Variants in PLIN2 observed in about 807,000 individuals in gnomAD.
PLIN2 encodes perilipin 2, also known as perilipin-2.
PLIN2 carries 33 observed loss-of-function variants against 30.6 expected under a neutral mutation model. The ratio of observed to expected loss-of-function variants is 1.08; its 90% CI spans 0.82 to 1.44. The LOEUF is 1.44. Ranked by LOEUF, PLIN2 falls within the 40% of genes most tolerant of loss-of-function variation. The pLI is 0.00. For synonymous variants in PLIN2, 205 were observed against 201.1 expected (o/e 1.02, Z -0.16); for missense variants, 610 against 531.8 (o/e 1.15, Z -1.45).
At chr9:19,114,329 G>C (rs1421119473), downstream of PLIN2, among the ~76,000 whole-genome samples, 1 of 152,128 alleles carries the variant, frequency 6.6e-6, no homozygotes, top group African/African-American at 2.4e-5. Context: ...ACTAATTTGA[G>C]TTAGACTTCC....
At position 19,116,656 on chromosome 9, in the gene PLIN2, ATAAAACT is replaced by A; in HGVS notation, c.913-14_913-8del. 1 of 1,607,760 alleles carries A rather than the reference ATAAAACT, an allele frequency of 6.2e-7. No individual in the cohort carries two copies. Among genetic ancestry groups the A allele is most frequent in the Non-Finnish European group, 8.5e-7 (1 of 1,175,120 alleles). On this transcript the variant is annotated splice_region_variant and splice_polypyrimidine_tract_variant and intron_variant, in intron 7 of 7. Transcript: ENST00000276914. Reference sequence around the variant, plus strand: ...GAGTACGTGACTCAATGTGCTAAAAATAAAACTTAAAATTAGCAGTGGATCCAACAGT... The same window carrying A: ...GAGTACGTGACTCAATGTGCTAAAAATAAAATTAGCAGTGGATCCAACAGT...
At chr9:19,119,303 T>C (rs1313503535) in intron 6 of PLIN2, among the ~76,000 whole-genome samples, 1 of 152,158 alleles carries the variant, frequency 6.6e-6, no homozygotes, top group Non-Finnish European at 1.5e-5. Flanking sequence ...CAAGTGTAGG[T>C]ATGCTTGTAA....
intron 4 of PLIN2, among the ~76,000 whole-genome samples, chr9:19,121,917 G>A (rs1353475781): frequency 6.6e-6 from 1 of 152,050 alleles, no homozygotes; most frequent in Non-Finnish European, 1.5e-5. Flanking sequence ...GGCAACAAGA[G>A]CAAAACTCTG....
Position 19,121,042 on chromosome 9 carries a change from C to T in PLIN2, c.433G>A (p.Val145Met). 1 of 1,614,226 alleles carries T rather than the reference C, an allele frequency of 6.2e-7. No homozygotes were observed. The highest frequency in any genetic ancestry group is 8.5e-7 in the Non-Finnish European group (1 of 1,180,030). ...TTGGTCTTCTCCACACTGCCAGTCACTGCCCCTTTGGTCTTGTCCATCACC... is the reference window on the plus strand; with the variant it reads ...TTGGTCTTCTCCACACTGCCAGTCATTGCCCCTTTGGTCTTGTCCATCACC... ...TGVMDKTKGA[V>M]TGSVEKTKSV... The change falls in exon 5 of 8, where the codon GTG becomes ATG. Residue 145 changes from valine (V) to methionine (M), a missense_variant. By Grantham distance (21) the Val-to-Met change is conservative. Transcript: ENST00000276914.
At chr9:19,117,133 TTTCTTTCTTTC>T (rs1302276845) in intron 7 of PLIN2, among the ~76,000 whole-genome samples, 3 of 152,034 alleles carry the variant, frequency 2.0e-5, no homozygotes, top group African/African-American at 7.2e-5. Context: ...TCCCTTCCTT[TTTCTTTCTTTC>T]TTCTTTCTTT....
At chr9:19,120,705 A>T (rs1310673982) in intron 5 of PLIN2, among the ~76,000 whole-genome samples, 175 bp downstream of exon 5, 3 of 152,170 alleles carry the variant, frequency 2.0e-5, no homozygotes, top group African/African-American at 4.8e-5. Flanking sequence ...ATTAAAAAGG[A>T]CTGACTGCAA....
chr9:19,124,447 T>A (rs760949910), intron 3 of PLIN2, among the ~76,000 whole-genome samples: 7 of 152,092 alleles, frequency 4.6e-5, no homozygotes, highest in Non-Finnish European at 7.4e-5. Flanking sequence ...AGCTTCCCAC[T>A]AAGAATACCA....
In PLIN2 at chr9:19,116,583, T is replaced by C; in HGVS notation, c.979A>G (p.Thr327Ala). The C allele has an allele frequency of 3.7e-6, 6 of 1,614,012 alleles. No individual in the cohort carries two copies. The highest frequency in any genetic ancestry group is 4.2e-6 in the Non-Finnish European group (5 of 1,180,002). Residue 327 changes from threonine (T) to alanine (A), a missense_variant, in exon 8 of 8, where the codon ACC becomes GCC. By Grantham distance (58) the Thr-to-Ala change is moderately conservative (BLOSUM62 0). Transcript: ENST00000276914. ...LTQQLQTTCH[T>A]LLSNIQGVPQ... The stretch of plus-strand genomic sequence containing the variant: ...ACACCTTGGATGTTGGACAGGAGGG[T>C]GTGGCACGTGGTCTGGAGCTGCTGA...
chr9:19,117,686 C>T (rs1431785808), intron 7 of PLIN2, among the ~76,000 whole-genome samples: 1 of 151,486 alleles, frequency 6.6e-6, no homozygotes, highest in South Asian at 2.1e-4. Context: ...AGCATGATCT[C>T]GGCTCATGGC....
rs894796885 is a variant in PLIN2 at position 19,120,896 on chromosome 9, G to C, written c.579C>G (p.Leu193=). The C allele has an allele frequency of 2.5e-6, 4 of 1,613,390 alleles. No individual in the cohort carries two copies. In the African/African-American group the frequency reaches 5.3e-5, roughly 22 times the overall value. Residue 193 remains leucine, a synonymous_variant, in exon 5 of 8, where the codon CTC becomes CTG. Coordinates refer to ENST00000276914, the MANE Select transcript of PLIN2 (RefSeq NM_001122.4). ...SELLVEQYLP[L]TEEELEKEAK... ...TCCAGTTACCTAGTTCTTCCTCAGT[G>C]AGAGGGAGGTACTGTTCTACCAACA...
chr9:19,124,675 A>G (rs1356697484), intron 3 of PLIN2, among the ~76,000 whole-genome samples: 3 of 152,216 alleles, frequency 2.0e-5, no homozygotes. Context: ...ACAGTCTGGC[A>G]GCTCCTCAAA....
chr9:19,116,782 G>A (rs965302750), intron 7 of PLIN2, 133 bp from the exon 8 acceptor site: 12 of 668,822 alleles, frequency 1.8e-5, no homozygotes, highest in African/African-American at 3.6e-5. Context: ...TTACAATGCC[G>A]AGTGCAGCAG....
In PLIN2 at chr9:19,109,540, G is replaced by GAAA. The variant is rs34665873; in HGVS notation, n.418-796_418-794dup. ...TGGGCGACAGAGCGAGACTCTGTCT[G>GAAA]AAAAAAAAAAAAAAGAAAGAAAAGA... On this transcript the variant is annotated intron_variant and non_coding_transcript_variant, in intron 2 of 2. Coordinates refer to the PLIN2 transcript ENST00000464326. Among the ~76,000 whole-genome samples, 5 of 127,560 alleles carry GAAA rather than the reference G, an allele frequency of 3.9e-5. No individual in the cohort carries two copies. The East Asian group carries it at 9.1e-4, about 23-fold the overall frequency. The allele number at this position is 127,560 out of a possible 152,430, so 83.7% of individuals were successfully genotyped here. A position where few individuals can be genotyped will look rare whatever the true frequency, so the allele number is the denominator to read the frequency against.
downstream of PLIN2, among the ~76,000 whole-genome samples, chr9:19,114,476 C>T (rs1818195237): frequency 6.6e-6 from 1 of 151,932 alleles, no homozygotes; most frequent in Non-Finnish European, 1.5e-5. Flanking sequence ...GCAATCTTGG[C>T]TCACTGCAGC....
rs750118279 is a variant in PLIN2, at chr9:19,119,852, CA to C, written c.596-22del. 6 of 1,521,190 alleles carry C rather than the reference CA, an allele frequency of 3.9e-6. No homozygotes were observed. In the Admixed American group the frequency reaches 5.9e-5, roughly 15 times the overall value. 94.2% of individuals were successfully genotyped at this position (1,521,190 alleles called of 1,614,324 possible). A position where few individuals can be genotyped will look rare whatever the true frequency, so the allele number is the denominator to read the frequency against. The stretch of plus-strand genomic sequence containing the variant: ...TTTTTCTGAAGTTAGAAATAAGAGA[CA>C]AAAAAACTTAAGGGATCACAGTGAC... On this transcript the variant is annotated intron_variant, in intron 5 of 7. Coordinates refer to ENST00000276914, the MANE Select transcript of PLIN2 (RefSeq NM_001122.4).
Position 19,127,171 on chromosome 9 carries a change from A to G in PLIN2, c.-23+248T>C, listed in dbSNP as rs1818415168. Among the ~76,000 whole-genome samples, 1 of 152,232 alleles carries G rather than the reference A, an allele frequency of 6.6e-6. No homozygotes were observed. The highest frequency in any genetic ancestry group is 2.4e-5 in the African/African-American group (1 of 41,468). Reference sequence around the variant, plus strand: ...ATCGCCCTAAATCTGTTGGCAGGAAAGAAGCCTCAACGCACAAAGGCAAGG... The same window carrying G: ...ATCGCCCTAAATCTGTTGGCAGGAAGGAAGCCTCAACGCACAAAGGCAAGG... On this transcript the variant is annotated intron_variant, in intron 1 of 7. Transcript: ENST00000276914. The surrounding 1 kb of genome is among the most constrained non-coding windows in gnomAD (Gnocchi z 4.3).
downstream of PLIN2, among the ~76,000 whole-genome samples, chr9:19,113,962 A>G (rs1818189227): frequency 6.6e-6 from 1 of 151,880 alleles, no homozygotes; most frequent in Admixed American, 6.6e-5. Context: ...TTTAGTAGAG[A>G]CAAGGTTTAC....
In PLIN2 at chr9:19,118,453, A is replaced by C. The variant is rs780069000; in HGVS notation, c.780T>G (p.Ile260Met). The C allele has an allele frequency of 2.5e-6, 4 of 1,612,742 alleles. No individual in the cohort carries two copies. The highest frequency in any genetic ancestry group is 3.4e-6 in the Non-Finnish European group (4 of 1,179,700). The change falls in exon 7 of 8, where the codon ATT becomes ATG. Residue 260 changes from isoleucine (I) to methionine (M), a missense_variant and splice_region_variant. Ile to Met is a conservative substitution (Grantham distance 10). Coordinates refer to ENST00000276914, the MANE Select transcript of PLIN2 (RefSeq NM_001122.4). The stretch of plus-strand genomic sequence containing the variant: ...TATACACATTCTTCCTGGCAAATTC[A>C]ATCTAGACACATTGAAACAAGACAA... ...ISQLHSTVHLIEFARKNVYSA... is the reference protein window; with the variant it reads ...ISQLHSTVHLMEFARKNVYSA...
chr9:19,124,567 G>T (rs1227105051), intron 3 of PLIN2, among the ~76,000 whole-genome samples: 2 of 152,192 alleles, frequency 1.3e-5, no homozygotes, highest in Non-Finnish European at 2.9e-5. Flanking sequence ...TTGAAAGAAT[G>T]ATTTAAATCT....
Sources: gnomAD v4.1 joint callset for allele counts (sites outside exome capture counted in the v4.1 genomes callset) on GRCh38, gnomAD v4.1.1 for gene constraint, Gnocchi (gnomAD v3.1) non-coding constraint, MANE v1.5 for transcripts, NCBI Gene and HGNC (gene_info 2026-07-23, HGNC 2026-07-21) for gene names.